Variants in CAMTA1 observed in about 807,000 individuals in gnomAD.
The protein encoded by CAMTA1 is calmodulin binding transcription activator 1, also known as calmodulin-binding transcription activator 1.
In CAMTA1, 27 loss-of-function variants were observed where a neutral mutation model predicts 170.9. The observed-to-expected ratio is 0.16, with a 90% CI of 0.12 to 0.22. The LOEUF (loss-of-function observed/expected upper bound fraction) is 0.22. Among genes scored for constraint, CAMTA1 ranks in the 10% least tolerant of loss-of-function variants. The probability of loss-of-function intolerance (pLI) is 1.00; values close to 1 mark genes in which losing one functional copy is unlikely to be tolerated. For missense variants in CAMTA1, 1,619 were observed against 2,217.2 expected (o/e 0.73, Z 5.42); for synonymous variants, 833 against 891.5 (o/e 0.93, Z 1.17).
intron 5 of CAMTA1, among the ~76,000 whole-genome samples, chr1:7,339,587 G>T (rs2083645863): frequency 6.6e-6 from 1 of 151,878 alleles, no homozygotes; most frequent in African/African-American, 2.4e-5. Flanking sequence ...TTGTTTGTTT[G>T]TTGGTTGTTT....
At position 7,306,036 on chromosome 1, in the gene CAMTA1, T is replaced by C. The variant is rs146232014; in HGVS notation, c.438+56410T>C. On this transcript the variant is annotated intron_variant, in intron 5 of 22. Coordinates refer to ENST00000303635, the MANE Select transcript of CAMTA1 (RefSeq NM_015215.4). ...TGTTTGCTTGCTGTTGAGTCAGATATGTGATTTGCCAATATTTTTAACTAG... is the reference window on the plus strand; with the variant it reads ...TGTTTGCTTGCTGTTGAGTCAGATACGTGATTTGCCAATATTTTTAACTAG... 6.6e-5 allele frequency among the ~76,000 whole-genome samples: 10 copies of C among 152,198 alleles called. No individual in the cohort carries two copies. In the East Asian group the frequency reaches 1.7e-3, roughly 26 times the overall value.
intron 3 of CAMTA1, among the ~76,000 whole-genome samples, chr1:7,000,252 C>G (rs982596572): frequency 3.9e-5 from 6 of 152,240 alleles, no homozygotes; most frequent in African/African-American, 1.4e-4. Flanking sequence ...CTGCAGCCCC[C>G]TGCGTGGGGA....
intron 3 of CAMTA1, among the ~76,000 whole-genome samples, chr1:7,062,037 C>T (rs1386033061): frequency 6.6e-6 from 1 of 152,148 alleles, no homozygotes; most frequent in Non-Finnish European, 1.5e-5. Context: ...CCTGCCTCAG[C>T]CTCCCGAGTA....
At chr1:7,229,154 G>C (rs1662233991) in intron 4 of CAMTA1, among the ~76,000 whole-genome samples, 2 of 151,884 alleles carry the variant, frequency 1.3e-5, no homozygotes, top group Non-Finnish European at 2.9e-5. Flanking sequence ...GGAGAGTGGA[G>C]GTGAGAGCAG....
chr1:7,048,386 G>A (rs956194291), intron 3 of CAMTA1, among the ~76,000 whole-genome samples: 1 of 152,140 alleles, frequency 6.6e-6, no homozygotes, highest in Non-Finnish European at 1.5e-5. Context: ...GAGTCACAGT[G>A]GGAGCCATTT....
intron 3 of CAMTA1, among the ~76,000 whole-genome samples, chr1:7,042,268 T>C (rs1282271990): frequency 6.6e-6 from 1 of 152,138 alleles, no homozygotes; most frequent in Non-Finnish European, 1.5e-5. Context: ...TGCCTCCTCG[T>C]CCCCCTTCCC....
At chr1:7,288,186 CT>C (rs1460493333) in intron 5 of CAMTA1, among the ~76,000 whole-genome samples, 1 of 152,196 alleles carries the variant, frequency 6.6e-6, no homozygotes. Context: ...CTGTGTGACT[CT>C]GAAGCCCACA....
chr1:6,822,691 G>A (rs1646628799), intron 2 of CAMTA1, among the ~76,000 whole-genome samples: 1 of 151,982 alleles, frequency 6.6e-6, no homozygotes, highest in Admixed American at 6.6e-5. Context: ...CTGCCCTTTG[G>A]TCACATTTAC....
chr1:7,241,011 CA>C (rs896831092), intron 4 of CAMTA1, among the ~76,000 whole-genome samples: 2 of 152,050 alleles, frequency 1.3e-5, no homozygotes, highest in Admixed American at 1.3e-4. Flanking sequence ...AAAGTGGAGT[CA>C]CAGGTGACTT....
At chr1:6,805,387 G>C (rs1222719721) in intron 1 of CAMTA1, among the ~76,000 whole-genome samples, 1 of 152,176 alleles carries the variant, frequency 6.6e-6, no homozygotes, top group Non-Finnish European at 1.5e-5. Context: ...AATTTTTGCT[G>C]TTCAGTTGTA....
chr1:7,636,508 G>C (rs566717009), intron 6 of CAMTA1, among the ~76,000 whole-genome samples: 3 of 152,158 alleles, frequency 2.0e-5, no homozygotes, highest in Non-Finnish European at 4.4e-5. Flanking sequence ...CCTGAGGTCA[G>C]GAGTTCAAGA....
chr1:6,876,100 AT>A (rs1319800701), intron 3 of CAMTA1, among the ~76,000 whole-genome samples: 7 of 152,294 alleles, frequency 4.6e-5, no homozygotes, highest in Admixed American at 4.6e-4. Context: ...CCAGGTTTGA[AT>A]TTAGTTAGAG....
At chr1:6,952,317 G>C (rs1021628841) in intron 3 of CAMTA1, among the ~76,000 whole-genome samples, 1 of 150,182 alleles carries the variant, frequency 6.7e-6, no homozygotes, top group Non-Finnish European at 1.5e-5. Context: ...TGTAGTCCCA[G>C]CTACTCAGGA....
In CAMTA1 at chr1:7,501,615, A is replaced by G. The variant is rs2094006549; in HGVS notation, c.510+33714A>G. 4.0e-5 allele frequency among the ~76,000 whole-genome samples: 4 copies of G among 98,812 alleles called. No homozygotes were observed. The South Asian group carries it at 1.4e-3, about 33-fold the overall frequency. The allele number at this position is 98,812 out of a possible 152,430, so 64.8% of individuals were successfully genotyped here. A position where few individuals can be genotyped will look rare whatever the true frequency, so the allele number is the denominator to read the frequency against. ...GTTACTTTTGAAATTCGGATAAACA[A>G]CAGTTTTTTTTTTATTTTAGTCTAG... On this transcript the variant is annotated intron_variant, in intron 6 of 22. Transcript: ENST00000303635.
chr1:7,539,369 G>C (rs2094583022), intron 6 of CAMTA1, among the ~76,000 whole-genome samples: 1 of 152,188 alleles, frequency 6.6e-6, no homozygotes, highest in Non-Finnish European at 1.5e-5. Context: ...CTGCACAGTG[G>C]TTTTTCTTAA....
At chr1:6,862,953 A>G (rs1193053641) in intron 3 of CAMTA1, among the ~76,000 whole-genome samples, 2 of 152,254 alleles carry the variant, frequency 1.3e-5, no homozygotes, top group Admixed American at 1.3e-4. Context: ...GGTGACAAGA[A>G]TATAAATCAT....
chr1:6,877,401 A>G (rs1243239029), intron 3 of CAMTA1, among the ~76,000 whole-genome samples: 1 of 152,166 alleles, frequency 6.6e-6, no homozygotes, highest in Non-Finnish European at 1.5e-5. Context: ...TAAGAAACAC[A>G]TGGTGAAGGT....
At chr1:7,479,827 C>T (rs1458026241) in intron 6 of CAMTA1, among the ~76,000 whole-genome samples, 3 of 152,216 alleles carry the variant, frequency 2.0e-5, no homozygotes, top group Admixed American at 6.5e-5. Context: ...TGGCAGCCAC[C>T]GAACCCACAT....
rs114273947 is a variant in CAMTA1, at chr1:7,354,805, T to C, written c.438+105179T>C. Reference sequence around the variant, plus strand: ...CTCATTGTGGTTTTGATGTGCGTTTTTCTGATGATGAGTGATGGTGAGCAT... The same window carrying C: ...CTCATTGTGGTTTTGATGTGCGTTTCTCTGATGATGAGTGATGGTGAGCAT... On this transcript the variant is annotated intron_variant, in intron 5 of 22. Coordinates refer to ENST00000303635, the MANE Select transcript of CAMTA1 (RefSeq NM_015215.4). Among the ~76,000 whole-genome samples, 1,435 of 152,308 alleles carry C rather than the reference T, an allele frequency of 9.4e-3. 24 individuals are homozygous for C. The highest frequency in any genetic ancestry group is 0.031 in the African/African-American group (1,305 of 41,550).
Sources: allele counts gnomAD v4.1 joint callset (sites outside exome capture counted in the v4.1 genomes callset), GRCh38; gene constraint gnomAD v4.1.1; transcripts MANE v1.5; gene names NCBI Gene and HGNC (gene_info 2026-07-23, HGNC 2026-07-21).